BOD1L1: variants seen among roughly 807,000 people sequenced by gnomAD.
The protein encoded by BOD1L1 is biorientation of chromosomes in cell division protein 1-like 1.
In BOD1L1, 86 loss-of-function variants were observed where a neutral mutation model predicts 240.7. The ratio of observed to expected loss-of-function variants is 0.36; its 90% CI spans 0.30 to 0.43. The LOEUF (loss-of-function observed/expected upper bound fraction) is 0.43. Among genes scored for constraint, BOD1L1 ranks in the 20% least tolerant of loss-of-function variants. BOD1L1 has a pLI of 1.00. For synonymous variants in BOD1L1, 1,268 were observed against 1,272.3 expected (o/e 1.00, Z 0.07); for missense variants, 3,554 against 3,643.5 (o/e 0.98, Z 0.63).
At chr4:13,609,157 T>C (rs1019528348) in intron 7 of BOD1L1, 138 bp downstream of exon 7, 45 of 511,020 alleles carry the variant, frequency 8.8e-5, no homozygotes, top group Admixed American at 8.8e-5. Flanking sequence ...ACACATGAGA[T>C]TAAAACGTAA....
At chr4:13,626,756 C>T (rs1717424538) in intron 1 of BOD1L1, among the ~76,000 whole-genome samples, 1 of 152,168 alleles carries the variant, frequency 6.6e-6, no homozygotes, top group Admixed American at 6.5e-5. Flanking sequence ...TGACTCGGTT[C>T]TCTCTACCCC....
At chr4:13,616,417 T>C (rs952400558) in intron 2 of BOD1L1, among the ~76,000 whole-genome samples, 1 of 152,326 alleles carries the variant, frequency 6.6e-6, no homozygotes, top group East Asian at 1.9e-4. Flanking sequence ...GGAAATATCA[T>C]ATACAAGAGA....
intron 20 of BOD1L1, 21 bp from the exon 21 acceptor site, chr4:13,581,075 T>C (rs749844190): frequency 1.3e-6 from 2 of 1,564,608 alleles, no homozygotes; most frequent in Non-Finnish European, 8.7e-7. Flanking sequence ...AAAATTCACT[T>C]AGAAAATCGG....
At position 13,576,989 on chromosome 4, in the gene BOD1L1, A is replaced by C. The variant is rs1175425411; in HGVS notation, c.8887T>G (p.Ser2963Ala). The stretch of plus-strand genomic sequence containing the variant: ...TGGCGTTTTCTTTCTGGCTCTGAGG[A>C]TTCTGTTCAAATAGAAGGGTAACAC... ...RSLTVSDDAE[S>A]SEPERKRQKS... The change falls in exon 25 of 26, where the codon TCC becomes GCC. Residue 2963 changes from serine (S) to alanine (A), a missense_variant and splice_region_variant. Ser to Ala is a moderately conservative substitution (Grantham distance 99). Coordinates refer to ENST00000040738, the MANE Select transcript of BOD1L1 (RefSeq NM_148894.3). 1.2e-6 allele frequency: 2 copies of C among 1,613,460 alleles called. No individual in the cohort carries two copies. The highest frequency in any genetic ancestry group is 1.7e-6 in the Non-Finnish European group (2 of 1,179,702).
At chr4:13,624,945 T>C (rs1040699555) in intron 1 of BOD1L1, 7 of 152,178 alleles carry the variant, frequency 4.6e-5, no homozygotes, top group African/African-American at 1.7e-4. Flanking sequence ...TGATGGTTCT[T>C]TGCATGAACA....
intron 17 of BOD1L1, among the ~76,000 whole-genome samples, chr4:13,584,468 G>GTGTC (rs1553836231): frequency 6.6e-6 from 1 of 150,578 alleles, no homozygotes; most frequent in East Asian, 1.9e-4. Flanking sequence ...GTGTGTGTGT[G>GTGTC]TGTGTGTGTG....
chr4:13,611,172 A>G, intron 5 of BOD1L1, 72 bp from the exon 6 acceptor site: 1 of 1,106,192 alleles, frequency 9.0e-7, no homozygotes, highest in Non-Finnish European at 1.3e-6. Context: ...CTGTACAAGC[A>G]GTAAAGGCAA....
At position 13,600,232 on chromosome 4, in the gene BOD1L1, A is replaced by C; in HGVS notation, c.6668T>G (p.Ile2223Arg). The C allele has an allele frequency of 6.2e-7, 1 of 1,613,992 alleles. No individual in the cohort carries two copies. Among genetic ancestry groups the C allele is most frequent in the Non-Finnish European group, 8.5e-7 (1 of 1,179,894 alleles). The part of the protein sequence containing the change: ...KDECALISTS[I>R]AEECEASVSG... ...AACAGAAGCCTCACATTCTTCTGCTATGCTAGTGGAAATGAGAGCACATTC... is the reference window on the plus strand; with the variant it reads ...AACAGAAGCCTCACATTCTTCTGCTCTGCTAGTGGAAATGAGAGCACATTC... Residue 2223 changes from isoleucine to arginine, a missense_variant, in exon 10 of 26, where the codon ATA becomes AGA. By Grantham distance (97) the Ile-to-Arg change is moderately conservative. Around this residue, in one of 2 missense-constraint regions of BOD1L1, gnomAD observed 3,393 missense variants for 3,427.1 expected, o/e 0.99. Transcript: ENST00000040738.
chr4:13,626,528 T>C (rs1717407459), intron 1 of BOD1L1, among the ~76,000 whole-genome samples: 1 of 152,190 alleles, frequency 6.6e-6, no homozygotes, highest in South Asian at 2.1e-4. Flanking sequence ...GGCTAATTCT[T>C]TGCCAATCCA....
chr4:13,609,156 A>G, intron 7 of BOD1L1, 139 bp downstream of exon 7: 1 of 505,206 alleles, frequency 2.0e-6, no homozygotes, highest in Non-Finnish European at 3.1e-6. Context: ...AACACATGAG[A>G]TTAAAACGTA....
intron 15 of BOD1L1, 46 bp downstream of exon 15, chr4:13,588,676 A>G: frequency 7.2e-7 from 1 of 1,389,486 alleles, no homozygotes; most frequent in Admixed American, 2.2e-5. Context: ...GTACAGTGAA[A>G]ATATTATGTA....
At position 13,577,613 on chromosome 4, in the gene BOD1L1, GT is replaced by G; in HGVS notation, c.8767del (p.Thr2923GlnfsTer9). ...VMQTDESNKE[T>X]ANLQERSISN... Reference sequence around the variant, plus strand: ...TATACTTCTTTCTTGTAGGTTAGCTGTTTCTTTATTGGATTCATCTTTAAGA... The same window carrying G: ...TATACTTCTTTCTTGTAGGTTAGCTGTTCTTTATTGGATTCATCTTTAAGA... On this transcript the variant is annotated frameshift_variant, in exon 23 of 26. Coordinates refer to ENST00000040738, the MANE Select transcript of BOD1L1 (RefSeq NM_148894.3). LOFTEE classifies it high-confidence loss of function. The G allele has an allele frequency of 6.4e-7, 1 of 1,559,382 alleles. No individual in the cohort carries two copies. The highest frequency in any genetic ancestry group is 8.7e-7 in the Non-Finnish European group (1 of 1,145,634).
chr4:13,617,349 C>T (rs574463557), intron 2 of BOD1L1, among the ~76,000 whole-genome samples: 2 of 152,218 alleles, frequency 1.3e-5, no homozygotes, highest in South Asian at 2.1e-4. Context: ...GCCTATGTTC[C>T]AGCCTCTTGT....
chr4:13,626,304 G>C, intron 1 of BOD1L1: 1 of 147,750 alleles, frequency 6.8e-6, no homozygotes, highest in Non-Finnish European at 1.5e-5. Context: ...CTGGCGACAG[G>C]GCGAGACTCT....
rs147574199 is a variant in BOD1L1, at chr4:13,600,857, C to G, written c.6043G>C (p.Glu2015Gln). Residue 2015 changes from glutamate to glutamine, a missense_variant, in exon 10 of 26, where the codon GAA (glutamate) becomes CAA (glutamine). By Grantham distance (29) the Glu-to-Gln change is conservative. This residue lies in a region of BOD1L1 where 3,393 missense variants were observed against 3,427.1 expected (regional missense o/e 0.99). Coordinates refer to ENST00000040738, the MANE Select transcript of BOD1L1 (RefSeq NM_148894.3). ...GGSYDVLVSG[E>Q]VPECEVAHTS... ...TGAGCAACTTCACATTCTGGGACTTCACCAGATACAAGAACATCGTAACTA... is the reference window on the plus strand; with the variant it reads ...TGAGCAACTTCACATTCTGGGACTTGACCAGATACAAGAACATCGTAACTA... 1.9e-6 allele frequency: 3 copies of G among 1,613,720 alleles called. No individual in the cohort carries two copies. The African/African-American group carries it at 4.0e-5, about 22-fold the overall frequency.
chr4:13,620,935 T>G (rs7660067), intron 1 of BOD1L1, among the ~76,000 whole-genome samples: 83,660 of 152,024 alleles, frequency 0.55, 26,889 homozygotes, highest in East Asian at 0.96. Flanking sequence ...CGCTTGGCAA[T>G]GTCTGGAGAC....
chr4:13,591,077 AT>A (rs971906403), intron 13 of BOD1L1, among the ~76,000 whole-genome samples: 81 of 150,812 alleles, frequency 5.4e-4, no homozygotes, highest in African/African-American at 1.7e-3. Flanking sequence ...TAAAAAAAAA[AT>A]TTTTTTTTTA....
At chr4:13,580,384 A>T (rs948268130) in intron 21 of BOD1L1, among the ~76,000 whole-genome samples, 9 of 152,192 alleles carry the variant, frequency 5.9e-5, no homozygotes, top group African/African-American at 2.2e-4. Context: ...GGGTCCCATG[A>T]TTGGCCCTAA....
chr4:13,578,805 T>G (rs1293467905), intron 22 of BOD1L1, among the ~76,000 whole-genome samples: 1 of 152,064 alleles, frequency 6.6e-6, no homozygotes, highest in Non-Finnish European at 1.5e-5. Context: ...CTGTTTAGAG[T>G]CACATAACTA....
Sources: gnomAD v4.1 joint callset for allele counts (sites outside exome capture counted in the v4.1 genomes callset) on GRCh38, gnomAD v4.1.1 for gene constraint, gnomAD v4.1.1 regional missense constraint, MANE v1.5 for transcripts, NCBI Gene and HGNC (gene_info 2026-07-23, HGNC 2026-07-21) for gene names.